Variants in NUP205 observed in about 807,000 individuals in gnomAD.
NUP205 encodes nuclear pore complex protein Nup205.
In NUP205, 76 loss-of-function variants were observed where a neutral mutation model predicts 253.8. That is an observed-to-expected ratio of 0.30 (90% CI 0.25 to 0.36). NUP205 has a LOEUF of 0.36. NUP205 is among the 10% of genes least tolerant of loss of function. NUP205 has a pLI of 1.00. For synonymous variants in NUP205, 832 were observed against 850.1 expected (o/e 0.98, Z 0.37); for missense variants, 2,162 against 2,425.5 (o/e 0.89, Z 2.28).
intron 22 of NUP205, among the ~76,000 whole-genome samples, chr7:135,609,576 A>C (rs1794179369): frequency 6.6e-6 from 1 of 151,340 alleles, no homozygotes; most frequent in African/African-American, 2.4e-5. Context: ...TGAACTTGGG[A>C]GGCGGAGCTT....
In NUP205 at chr7:135,606,868, G is replaced by A. The variant is rs770033709; in HGVS notation, c.3023G>A (p.Gly1008Asp). The A allele has an allele frequency of 8.7e-6, 14 of 1,613,846 alleles. No homozygotes were observed. The South Asian group carries it at 1.5e-4, about 18-fold the overall frequency. The change falls in exon 21 of 43, where the codon GGC becomes GAC. Residue 1008 changes from glycine (G) to aspartate (D), a missense_variant. Physicochemically the swap from Gly to Asp is moderately conservative, Grantham distance 94. This residue lies in a region of NUP205 where 1,144 missense variants were observed against 1,280.9 expected (regional missense o/e 0.89). Coordinates refer to ENST00000285968, the MANE Select transcript of NUP205 (RefSeq NM_015135.3). ...NPPNLALYLL[G>D]FELKKPVSTT... ...CCCAATCTTGCTCTCTACCTGTTGGGCTTTGAATTGAAAAAACCTGTCAGT... is the reference window on the plus strand; with the variant it reads ...CCCAATCTTGCTCTCTACCTGTTGGACTTTGAATTGAAAAAACCTGTCAGT...
chr7:135,597,860 C>T, intron 14 of NUP205, 138 bp from the exon 15 acceptor site: 2 of 700,306 alleles, frequency 2.9e-6, no homozygotes, highest in Admixed American at 2.8e-5. Flanking sequence ...TTATCTTTTC[C>T]TCTAAATGAA....
intron 34 of NUP205, among the ~76,000 whole-genome samples, chr7:135,629,342 AT>A (rs1322905690): frequency 6.6e-6 from 1 of 152,126 alleles, no homozygotes; most frequent in African/African-American, 2.4e-5. Flanking sequence ...TTTTAACCGC[AT>A]CAAAAGGAGA....
rs774312861 is a variant in NUP205, at chr7:135,602,843, G to T, written c.2551G>T (p.Ala851Ser). 2 of 1,613,962 alleles carry T rather than the reference G, an allele frequency of 1.2e-6. No homozygotes were observed. Among genetic ancestry groups the T allele is most frequent in the South Asian group, 2.2e-5 (2 of 91,046 alleles). Reference sequence around the variant, plus strand: ...GGAGAAAGCAGTACAGCATTGCCTTGCACTTCTCAATCTTACTCTGCAAAA... The same window carrying T: ...GGAGAAAGCAGTACAGCATTGCCTTTCACTTCTCAATCTTACTCTGCAAAA... ...HLEKAVQHCL[A>S]LLNLTLQKEN... The change falls in exon 18 of 43, where the codon GCA (alanine) becomes TCA (serine). Residue 851 changes from alanine to serine, a missense_variant. Transcript: ENST00000285968.
At position 135,630,920 on chromosome 7, in the gene NUP205, C is replaced by T. The variant is rs570558502; in HGVS notation, c.5059+450C>T. Among the ~76,000 whole-genome samples the T allele has an allele frequency of 1.2e-4, 18 of 150,532 alleles. No homozygotes were observed. In the East Asian group the frequency reaches 1.6e-3, roughly 13 times the overall value. On this transcript the variant is annotated intron_variant, in intron 35 of 42. Transcript: ENST00000285968. Reference sequence around the variant, plus strand: ...CAGTCTGGGCAACAGAACAAGACTCCGTCTCTGTTTTGTTTTGTTTTTTTT... The same window carrying T: ...CAGTCTGGGCAACAGAACAAGACTCTGTCTCTGTTTTGTTTTGTTTTTTTT...
At chr7:135,644,710 A>T (rs1457055851) in intron 39 of NUP205, among the ~76,000 whole-genome samples, 185 bp from the exon 40 acceptor site, 1 of 152,158 alleles carries the variant, frequency 6.6e-6, no homozygotes, top group Non-Finnish European at 1.5e-5. Flanking sequence ...TTCATTTGTG[A>T]ATTTGCTTCT....
At chr7:135,565,251 A>C (rs1563106978) in intron 1 of NUP205, among the ~76,000 whole-genome samples, 2 of 152,192 alleles carry the variant, frequency 1.3e-5, no homozygotes, top group African/African-American at 4.8e-5. Context: ...AACTTTTGTC[A>C]GCACTTTATC....
At chr7:135,631,796 C>G (rs923864135) in intron 35 of NUP205, among the ~76,000 whole-genome samples, 1 of 148,512 alleles carries the variant, frequency 6.7e-6, no homozygotes, top group Non-Finnish European at 1.5e-5. Flanking sequence ...GTCGCCCAGG[C>G]TAGAGTGCAG....
chr7:135,582,191 C>G (rs1806325308), intron 7 of NUP205, among the ~76,000 whole-genome samples: 1 of 152,014 alleles, frequency 6.6e-6, no homozygotes, highest in Non-Finnish European at 1.5e-5. Flanking sequence ...GAGGCTGAGG[C>G]TGGAGGATGG....
chr7:135,585,865 A>C (rs1008682276), intron 8 of NUP205, among the ~76,000 whole-genome samples: 12 of 152,156 alleles, frequency 7.9e-5, no homozygotes, highest in Non-Finnish European at 1.5e-4. Context: ...TCTGAATTGC[A>C]GTGTATAAAA....
At chr7:135,575,210 C>T (rs1227364817) in intron 3 of NUP205, among the ~76,000 whole-genome samples, 1 of 151,994 alleles carries the variant, frequency 6.6e-6, no homozygotes, top group Non-Finnish European at 1.5e-5. Flanking sequence ...TAGAGATGGT[C>T]CAGAGATTTA....
chr7:135,619,456 C>T lies in NUP205; in HGVS notation c.3997C>T (p.Pro1333Ser). 11 of 1,613,230 alleles carry T rather than the reference C, an allele frequency of 6.8e-6. No individual in the cohort carries two copies. The highest frequency in any genetic ancestry group is 7.6e-6 in the Non-Finnish European group (9 of 1,179,990). Residue 1333 changes from proline to serine, a missense_variant, in exon 29 of 43, where the codon CCT becomes TCT. Coordinates refer to ENST00000285968, the MANE Select transcript of NUP205 (RefSeq NM_015135.3). ...TGATGAAGCTGCGCAAGAGTTAATG[C>T]CTGTGGTCGCCGGGGCAGTGTTCAC... ...LDDEAAQELM[P>S]VVAGAVFTLT... is the part of the protein sequence containing the mutation.
intron 17 of NUP205, 90 bp from the exon 18 acceptor site, chr7:135,602,715 A>G (rs1188552722): frequency 1.3e-5 from 14 of 1,070,878 alleles, no homozygotes; most frequent in Non-Finnish European, 1.8e-5. Context: ...CTGAAAATCT[A>G]AAACTTGTCA....
At chr7:135,635,440 A>G in intron 35 of NUP205, 141 bp from the exon 36 acceptor site, 3 of 476,870 alleles carry the variant, frequency 6.3e-6, no homozygotes, top group Non-Finnish European at 1.1e-5. Flanking sequence ...TCTTTGTAAA[A>G]TCATAGTTCT....
intron 1 of NUP205, among the ~76,000 whole-genome samples, chr7:135,570,771 A>C (rs1272767552): frequency 3.9e-5 from 3 of 77,866 alleles, no homozygotes; most frequent in Non-Finnish European, 7.4e-5. Flanking sequence ...TATTATATTA[A>C]TATATATTAA....
chr7:135,612,809 A>C (rs1378520087), intron 22 of NUP205, among the ~76,000 whole-genome samples: 1 of 152,186 alleles, frequency 6.6e-6, no homozygotes, highest in Non-Finnish European at 1.5e-5. Flanking sequence ...AAAGACTATC[A>C]AGAGTTTTGG....
Position 135,616,078 on chromosome 7 carries a change from A to G in NUP205, c.3460+13A>G. The stretch of plus-strand genomic sequence containing the variant: ...AAACCATACTCAGGTGAGTATTAGT[A>G]TTTGTTTTATTGTGCTGGTGACTAG... On this transcript the variant is annotated intron_variant, in intron 24 of 42. Transcript: ENST00000285968. The G allele has an allele frequency of 1.2e-6, 2 of 1,607,412 alleles. No individual in the cohort carries two copies. The highest frequency in any genetic ancestry group is 1.7e-6 in the Non-Finnish European group (2 of 1,176,508).
chr7:135,646,006 G>C, intron 41 of NUP205, 152 bp from the exon 42 acceptor site: 1 of 624,700 alleles, frequency 1.6e-6, no homozygotes, highest in East Asian at 2.7e-5. Context: ...CTTTCTAGGG[G>C]CTTCCATTTG....
intron 11 of NUP205, 110 bp from the exon 12 acceptor site, chr7:135,592,877 T>G (rs1048584133): frequency 7.5e-6 from 6 of 799,864 alleles, no homozygotes; most frequent in Non-Finnish European, 1.2e-5. Context: ...ACAGTGAGAC[T>G]CTATCTCAAA....
Sources: allele counts gnomAD v4.1 joint callset (sites outside exome capture counted in the v4.1 genomes callset), GRCh38; gene constraint gnomAD v4.1.1; regional missense constraint gnomAD v4.1.1; transcripts MANE v1.5; gene names NCBI Gene and HGNC (gene_info 2026-07-23, HGNC 2026-07-21).